The following CKAP2L variants were observed in gnomAD, a reference collection of about 807,000 sequenced individuals.
CKAP2L encodes the protein cytoskeleton-associated protein 2-like.
A neutral mutation model predicts 65.7 loss-of-function variants in CKAP2L; 42 were observed. The observed-to-expected ratio is 0.64, with a 90% CI of 0.50 to 0.83. The LOEUF is 0.83. CKAP2L is among the 40% of genes least tolerant of loss of function. CKAP2L has a pLI of 0.00. For synonymous variants in CKAP2L, 325 were observed against 313.5 expected, an observed-to-expected ratio of 1.04 and a Z score of -0.39; for missense variants, 908 against 871.0, an observed-to-expected ratio of 1.04 and a Z score of -0.53.
At chr2:112,752,944 T>G (rs1680420481) in intron 4 of CKAP2L, among the ~76,000 whole-genome samples, 1 of 152,180 alleles carries the variant, frequency 6.6e-6, no homozygotes, top group East Asian at 1.9e-4. Context: ...TAGCCCTCTC[T>G]TGACCAGACA....
At chr2:112,745,684 A>G (rs1680180620) in intron 6 of CKAP2L, among the ~76,000 whole-genome samples, 1 of 152,278 alleles carries the variant, frequency 6.6e-6, no homozygotes, top group East Asian at 1.9e-4. Context: ...CCCAGCCCAT[A>G]TATTTCTTAT....
chr2:112,740,822 G>A lies in CKAP2L; in HGVS notation c.2008C>T (p.Pro670Ser), dbSNP rs753333699. 38 of 1,606,648 alleles carry A rather than the reference G, an allele frequency of 2.4e-5. 1 individual carries two copies. In the East Asian group the frequency reaches 7.6e-4, roughly 32 times the overall value. ...TCTGCTTTAGAGTTTGCTTACCTAG[G>A]GATTGGACCAATCTGTAATTTGATA... ...PGIKLQIGPI[P>S]RINGMPEVQD... Residue 670 changes from proline to serine, a missense_variant, in exon 8 of 9, where the codon CCT (proline) becomes TCT (serine). Coordinates refer to ENST00000302450, the MANE Select transcript of CKAP2L (RefSeq NM_152515.5).
rs1048771069 is a variant in CKAP2L at position 112,736,458 on chromosome 2, C to T, written c.*2365G>A. ...CTATAGTGAAGCAGATTAACATTATCATCTCAGTTTTTTTGTGATAATAGC... is the reference window on the plus strand; with the variant it reads ...CTATAGTGAAGCAGATTAACATTATTATCTCAGTTTTTTTGTGATAATAGC... On this transcript the variant is annotated 3_prime_UTR_variant, in exon 9 of 9. Coordinates refer to ENST00000302450, the MANE Select transcript of CKAP2L (RefSeq NM_152515.5). 1.3e-5 allele frequency: 2 copies of T among 152,024 alleles called. No homozygotes were observed. Among genetic ancestry groups the T allele is most frequent in the African/African-American group, 4.8e-5 (2 of 41,310 alleles). The allele number at this position is 152,024 out of a possible 1,614,324, so 9.4% of individuals were successfully genotyped here.
intron 7 of CKAP2L, 176 bp downstream of exon 7, chr2:112,742,530 C>A (rs1324029326): frequency 1.4e-6 from 1 of 713,304 alleles, no homozygotes. Context: ...AGTGCATTTA[C>A]TTGTAATAAT....
chr2:112,741,281 T>C (rs1679944704), intron 7 of CKAP2L, among the ~76,000 whole-genome samples: 1 of 151,656 alleles, frequency 6.6e-6, no homozygotes, highest in Admixed American at 6.6e-5. Flanking sequence ...TCTGAACATA[T>C]CTCCAGTCTC....
rs374603583 is a variant in CKAP2L at position 112,762,624 on chromosome 2, G to A, written c.38-55C>T. 2.0e-5 allele frequency: 28 copies of A among 1,385,390 alleles called. No homozygotes were observed. The African/African-American group carries it at 3.7e-4, about 18-fold the overall frequency. 85.8% of individuals were successfully genotyped at this position (1,385,390 alleles called of 1,614,324 possible). A position where few individuals can be genotyped will look rare whatever the true frequency, so the allele number is the denominator to read the frequency against. On this transcript the variant is annotated intron_variant, in intron 1 of 8. Transcript: ENST00000302450. ...TAACTTTAGTTCAAGATTTTAACCA[G>A]TTCATTAATATTCTAAAAGATGACA... is the stretch of plus-strand genomic sequence containing the variant.
chr2:112,759,518 G>A (rs1468203158), intron 3 of CKAP2L, among the ~76,000 whole-genome samples: 1 of 151,916 alleles, frequency 6.6e-6, no homozygotes, highest in Non-Finnish European at 1.5e-5. Flanking sequence ...CCTCATTTAC[G>A]AGCTGATGTA....
rs1679513543 is a variant in CKAP2L at position 112,738,271 on chromosome 2, C to T, written c.*552G>A. 1.3e-5 allele frequency: 2 copies of T among 152,558 alleles called. No homozygotes were observed. The highest frequency in any genetic ancestry group is 4.8e-5 in the African/African-American group (2 of 41,464). The allele number at this position is 152,558 out of a possible 1,614,324, so 9.5% of individuals were successfully genotyped here. ...CATAGAAAAAACAAGAATTCTCTCTCATTTACAAGGATACTGTGATGAAAG... is the reference window on the plus strand; with the variant it reads ...CATAGAAAAAACAAGAATTCTCTCTTATTTACAAGGATACTGTGATGAAAG... On this transcript the variant is annotated 3_prime_UTR_variant, in exon 9 of 9. Transcript: ENST00000302450.
At chr2:112,748,779 G>C (rs1435719362) in intron 5 of CKAP2L, among the ~76,000 whole-genome samples, 2 of 151,830 alleles carry the variant, frequency 1.3e-5, no homozygotes, top group East Asian at 3.9e-4. Context: ...AGGATCACTT[G>C]GGTCCACCCA....
chr2:112,760,875 G>A (rs1487773945), intron 2 of CKAP2L, 111 bp from the exon 3 acceptor site: 1 of 639,302 alleles, frequency 1.6e-6, no homozygotes. Context: ...TAGAATTTCT[G>A]TAATGGCAAA....
chr2:112,744,985 G>A (rs1680159792), intron 6 of CKAP2L, among the ~76,000 whole-genome samples: 1 of 152,074 alleles, frequency 6.6e-6, no homozygotes, highest in Non-Finnish European at 1.5e-5. Flanking sequence ...AGAAGAAATA[G>A]ACAATGTAGG....
chr2:112,737,393 T>A lies in CKAP2L; in HGVS notation c.*1430A>T, dbSNP rs1029460185. 5 of 152,228 alleles carry A rather than the reference T, an allele frequency of 3.3e-5. No homozygotes were observed. The highest frequency in any genetic ancestry group is 1.2e-4 in the African/African-American group (5 of 41,458). The allele number at this position is 152,228 out of a possible 1,614,324, so 9.4% of individuals were successfully genotyped here. On this transcript the variant is annotated 3_prime_UTR_variant, in exon 9 of 9. Coordinates refer to ENST00000302450, the MANE Select transcript of CKAP2L (RefSeq NM_152515.5). Reference sequence around the variant, plus strand: ...CTCCACAATCTCATCAACATTTATCTCATGTCTTGTTAATAGCCATTCTTA... The same window carrying A: ...CTCCACAATCTCATCAACATTTATCACATGTCTTGTTAATAGCCATTCTTA...
At position 112,742,709 on chromosome 2, in the gene CKAP2L, C is replaced by T. The variant is rs1283804271; in HGVS notation, c.1819G>A (p.Glu607Lys). The change falls in exon 7 of 9, where the codon GAA (glutamate) becomes AAA (lysine). Residue 607 changes from glutamate (E) to lysine (K), a missense_variant. Physicochemically the swap from Glu to Lys is moderately conservative, Grantham distance 56 (BLOSUM62 1). Coordinates refer to ENST00000302450, the MANE Select transcript of CKAP2L (RefSeq NM_152515.5). ...TTAAATTCAAAAATAATAGTACCTT[C>T]TGTGGTTCTGTTTGAGTCTTGCAAG... ...NILQDSNRTT[E>K]GITSDSLVAE... The T allele has an allele frequency of 6.3e-7, 1 of 1,588,906 alleles. No homozygotes were observed.
In CKAP2L at chr2:112,739,022, T is replaced by TATCA; in HGVS notation, c.2038_2039insTGAT (p.Asp680ValfsTer16). The TATCA allele has an allele frequency of 3.1e-6, 5 of 1,614,120 alleles. No individual in the cohort carries two copies. The highest frequency in any genetic ancestry group is 4.2e-6 in the Non-Finnish European group (5 of 1,179,960). ...CCGTACAGGAGTGATAAATTTCATG[T>TATCA]CTTGCACTTCCGGCATCCCATTTAT... On this transcript the variant is annotated frameshift_variant, in exon 9 of 9. Transcript: ENST00000302450. LOFTEE classifies it high-confidence loss of function.
rs1679221724 is a variant in CKAP2L, at chr2:112,736,674, ATG to A, written c.*2147_*2148del. 1 of 152,172 alleles carries A rather than the reference ATG, an allele frequency of 6.6e-6. No homozygotes were observed. The highest frequency in any genetic ancestry group is 1.5e-5 in the Non-Finnish European group (1 of 68,036). 9.4% of individuals were successfully genotyped at this position (152,172 alleles called of 1,614,324 possible). On this transcript the variant is annotated 3_prime_UTR_variant, in exon 9 of 9. Transcript: ENST00000302450. Reference sequence around the variant, plus strand: ...TTTCTTAAAAAATTAAATATTCCATATGTGAGATCATGCAGTATTTTTCCTTG... The same window carrying A: ...TTTCTTAAAAAATTAAATATTCCATATGAGATCATGCAGTATTTTTCCTTG...
Position 112,757,136 on chromosome 2 carries a change from G to T in CKAP2L, c.235C>A (p.Gln79Lys), listed in dbSNP as rs774971362. 6.2e-7 allele frequency: 1 copy of T among 1,614,026 alleles called. No individual in the cohort carries two copies. Among genetic ancestry groups the T allele is most frequent in the Non-Finnish European group, 8.5e-7 (1 of 1,179,968 alleles). ...CCTGCAGTATTAGGTGGTCTGGGCT[G>T]GAGTTTAATGCTGATGGACCTTTTA... Reference protein sequence around the residue: ...KPKRSISIKLQPRPPNTAGSQ... With the variant: ...KPKRSISIKLKPRPPNTAGSQ... The change falls in exon 4 of 9, where the codon CAG (glutamine) becomes AAG (lysine). Residue 79 changes from glutamine to lysine, a missense_variant. Coordinates refer to ENST00000302450, the MANE Select transcript of CKAP2L (RefSeq NM_152515.5).
intron 3 of CKAP2L, among the ~76,000 whole-genome samples, chr2:112,759,483 G>C (rs1680650952): frequency 6.6e-6 from 1 of 152,128 alleles, no homozygotes; most frequent in South Asian, 2.1e-4. Flanking sequence ...TTACAACTGT[G>C]TAAAGCAGAT....
At position 112,738,809 on chromosome 2, in the gene CKAP2L, A is replaced by T. The variant is rs1438539090; in HGVS notation, c.*14T>A. On this transcript the variant is annotated 3_prime_UTR_variant, in exon 9 of 9. Transcript: ENST00000302450. The stretch of plus-strand genomic sequence containing the variant: ...TGGTTCTGAAACACCTTTTTTAAAA[A>T]AAGCATCAAGAAATTATGATTCAGG... The T allele has an allele frequency of 6.5e-7, 1 of 1,544,268 alleles. No homozygotes were observed.
chr2:112,748,185 A>C (rs1680260516), intron 5 of CKAP2L, among the ~76,000 whole-genome samples: 3 of 152,250 alleles, frequency 2.0e-5, no homozygotes, highest in Admixed American at 1.3e-4. Context: ...ACAGTTGTTC[A>C]GGTTGAAAAG....
Sources: gnomAD v4.1 joint callset for allele counts (sites outside exome capture counted in the v4.1 genomes callset) on GRCh38, gnomAD v4.1.1 for gene constraint, MANE v1.5 for transcripts, NCBI Gene and HGNC (gene_info 2026-07-23, HGNC 2026-07-21) for gene names.